The following ITGBL1 variants were observed in gnomAD, a reference collection of about 807,000 sequenced individuals.
The protein encoded by ITGBL1 is integrin subunit beta like 1.
A neutral mutation model predicts 68.5 loss-of-function variants in ITGBL1; 51 were observed. That is an observed-to-expected ratio of 0.74 (90% CI 0.59 to 0.94). The LOEUF is 0.94. ITGBL1 is among the 40% of genes least tolerant of loss of function. The pLI, the probability that ITGBL1 is intolerant of heterozygous loss-of-function variation, is 0.00. For synonymous variants in ITGBL1, 209 were observed against 227.3 expected, an observed-to-expected ratio of 0.92 and a Z score of 0.72; for missense variants, 649 against 647.4, an observed-to-expected ratio of 1.00 and a Z score of -0.03.
At chr13:101,553,687 G>A (rs746839831) in intron 2 of ITGBL1, among the ~76,000 whole-genome samples, 21 of 151,762 alleles carry the variant, frequency 1.4e-4, no homozygotes, top group South Asian at 4.2e-4. Context: ...AGCTTCTGGC[G>A]GCTGATGACC....
chr13:101,544,757 G>A (rs915528448), intron 2 of ITGBL1, among the ~76,000 whole-genome samples: 1 of 152,140 alleles, frequency 6.6e-6, no homozygotes, highest in Non-Finnish European at 1.5e-5. Flanking sequence ...GCAATGGCGG[G>A]CACCCCTCCC....
intron 8 of ITGBL1, among the ~76,000 whole-genome samples, chr13:101,696,577 A>G (rs191093892): frequency 1.6e-3 from 245 of 152,162 alleles, no homozygotes; most frequent in African/African-American, 5.0e-3. Context: ...TTGTCTTTCC[A>G]TTCTTCCATG....
intron 2 of ITGBL1, among the ~76,000 whole-genome samples, chr13:101,549,577 GT>G: frequency 6.6e-6 from 1 of 151,948 alleles, no homozygotes; most frequent in African/African-American, 2.4e-5. Flanking sequence ...TAATGAAAAT[GT>G]TCAAGACTCA....
chr13:101,588,512 T>C (rs2050597185), intron 6 of ITGBL1, among the ~76,000 whole-genome samples: 1 of 152,138 alleles, frequency 6.6e-6, no homozygotes, highest in Non-Finnish European at 1.5e-5. Context: ...ACACATAAAT[T>C]TGACAAACCA....
At chr13:101,561,467 C>G (rs947504593) in intron 2 of ITGBL1, among the ~76,000 whole-genome samples, 1 of 152,058 alleles carries the variant, frequency 6.6e-6, no homozygotes, top group African/African-American at 2.4e-5. Flanking sequence ...GGGAAGGAAA[C>G]AGGAACATAA....
chr13:101,655,056 G>A (rs985929468), intron 7 of ITGBL1, among the ~76,000 whole-genome samples: 7 of 152,304 alleles, frequency 4.6e-5, no homozygotes, highest in South Asian at 2.1e-4. Flanking sequence ...GAATAGTGAC[G>A]CATTTCCTTT....
intron 2 of ITGBL1, among the ~76,000 whole-genome samples, chr13:101,461,182 T>C (rs1594822468): frequency 1.3e-5 from 2 of 152,222 alleles, no homozygotes; most frequent in East Asian, 3.8e-4. Context: ...CAAATTTATT[T>C]GTATTACAAA....
chr13:101,635,347 C>T (rs372448059), intron 7 of ITGBL1, among the ~76,000 whole-genome samples: 31 of 151,826 alleles, frequency 2.0e-4, no homozygotes, highest in East Asian at 5.8e-4. Flanking sequence ...GCATAATAAA[C>T]GAAATAAAAG....
intron 2 of ITGBL1, among the ~76,000 whole-genome samples, chr13:101,536,431 G>A (rs1566720706): frequency 6.6e-6 from 1 of 151,924 alleles, no homozygotes; most frequent in Non-Finnish European, 1.5e-5. Context: ...AACCATGAGG[G>A]CACGCATTTT....
intron 3 of ITGBL1, among the ~76,000 whole-genome samples, chr13:101,573,243 T>C (rs1179593095): frequency 1.3e-5 from 2 of 152,150 alleles, no homozygotes; most frequent in Non-Finnish European, 2.9e-5. Context: ...TAGCATTAGA[T>C]TTCAAATTAC....
chr13:101,539,340 A>G (rs1276971616), intron 2 of ITGBL1, among the ~76,000 whole-genome samples: 3 of 151,722 alleles, frequency 2.0e-5, no homozygotes, highest in Non-Finnish European at 4.4e-5. Flanking sequence ...GCTGAGAATG[A>G]TGGTTTCCAG....
At chr13:101,653,877 T>G (rs144121471) in intron 7 of ITGBL1, among the ~76,000 whole-genome samples, 6,777 of 144,252 alleles carry the variant, frequency 0.047, 392 homozygotes, top group Admixed American at 0.13. Flanking sequence ...TTTGTTTTTT[T>G]TTTTTTGTAT....
At chr13:101,712,379 C>G (rs925043277) in intron 9 of ITGBL1, 7 of 152,164 alleles carry the variant, frequency 4.6e-5, no homozygotes, top group African/African-American at 1.7e-4. Context: ...GCCATATTAG[C>G]TTTAGCTGAG....
rs879314348 is a variant in ITGBL1, at chr13:101,708,036, C to T, written c.1279+1134C>T. ...TCCTACACACATGCAAACACACACA[C>T]ACACACACACACACACACACACACA... On this transcript the variant is annotated intron_variant, in intron 9 of 10. Coordinates refer to ENST00000376180, the MANE Select transcript of ITGBL1 (RefSeq NM_004791.3). 6.5e-4 allele frequency among the ~76,000 whole-genome samples: 96 copies of T among 147,582 alleles called. 1 individual carries two copies. Among genetic ancestry groups the T allele is most frequent in the Middle Eastern group, 6.9e-3 (2 of 288 alleles).
chr13:101,606,102 C>T (rs1346456811), intron 7 of ITGBL1, among the ~76,000 whole-genome samples: 1 of 126,206 alleles, frequency 7.9e-6, no homozygotes, highest in South Asian at 2.6e-4. Flanking sequence ...TATATATGCT[C>T]TCTCTCTCTC....
chr13:101,663,265 G>C (rs1056292074), intron 7 of ITGBL1, among the ~76,000 whole-genome samples: 2 of 152,130 alleles, frequency 1.3e-5, no homozygotes, highest in Non-Finnish European at 2.9e-5. Flanking sequence ...TAACTTGACT[G>C]CACATATTTG....
At chr13:101,599,448 C>T (rs927701514) in intron 7 of ITGBL1, among the ~76,000 whole-genome samples, 5 of 151,072 alleles carry the variant, frequency 3.3e-5, no homozygotes, top group Admixed American at 6.6e-5. Context: ...TAATTAGATC[C>T]CATTTGTCAA....
intron 3 of ITGBL1, 71 bp from the exon 4 acceptor site, chr13:101,575,353 T>A: frequency 7.3e-7 from 1 of 1,363,420 alleles, no homozygotes; most frequent in Non-Finnish European, 1.0e-6. Context: ...TTGAGAGAGA[T>A]GGTATAAAAA....
chr13:101,514,127 G>A (rs74957174), intron 2 of ITGBL1, among the ~76,000 whole-genome samples: 2,244 of 152,098 alleles, frequency 0.015, 64 homozygotes, highest in African/African-American at 0.051. Flanking sequence ...TCTAAAGTGA[G>A]ACAAAATAAC....
Sources: allele counts gnomAD v4.1 joint callset (sites outside exome capture counted in the v4.1 genomes callset), GRCh38; gene constraint gnomAD v4.1.1; transcripts MANE v1.5; gene names NCBI Gene and HGNC (gene_info 2026-07-23, HGNC 2026-07-21).